The following CC2D2A variants were observed in gnomAD, a reference collection of about 807,000 sequenced individuals.
CC2D2A encodes coiled-coil and C2 domain-containing protein 2A.
CC2D2A carries 155 observed loss-of-function variants against 212.9 expected under a neutral mutation model. That is an observed-to-expected ratio of 0.73 (90% CI 0.64 to 0.83). The LOEUF is 0.83. Among genes scored for constraint, CC2D2A ranks in the 40% least tolerant of loss-of-function variants. CC2D2A has a pLI of 0.00. For synonymous variants in CC2D2A, 667 were observed against 686.5 expected (o/e 0.97, Z 0.44); for missense variants, 1,856 against 1,956.2 (o/e 0.95, Z 0.97).
chr4:15,525,240 G>A (rs895360932), intron 11 of CC2D2A, among the ~76,000 whole-genome samples: 11 of 152,130 alleles, frequency 7.2e-5, no homozygotes, highest in Non-Finnish European at 1.0e-4. Flanking sequence ...ACCAAGAAGC[G>A]TACAAGATGG....
rs576450603 is a variant in CC2D2A, at chr4:15,515,531, AAAG to A, written c.881-333_881-331del. Among the ~76,000 whole-genome samples the A allele has an allele frequency of 4.7e-3, 711 of 152,340 alleles. 9 individuals carry two copies. The highest frequency in any genetic ancestry group is 0.016 in the African/African-American group (676 of 41,578). ...TCTTTTGTACAGGAGGAGAGAGTTC[AAAG>A]AAGTGCCTGGCCCTAATTCACCCAG... On this transcript the variant is annotated intron_variant, in intron 9 of 36. Transcript: ENST00000424120.
chr4:15,515,894 A>T lies in CC2D2A; in HGVS notation c.907A>T (p.Asn303Tyr), dbSNP rs1716839646. 6.4e-7 allele frequency: 1 copy of T among 1,552,782 alleles called. No homozygotes were observed. Among genetic ancestry groups the T allele is most frequent in the African/African-American group, 1.4e-5 (1 of 73,090 alleles). ...TVPTYKKLPENVQPRFLEDEG... is the reference protein window; with the variant it reads ...TVPTYKKLPEYVQPRFLEDEG... ...CCCTACATATAAAAAGCTTCCTGAG[A>T]ATGTACAGCCCAGGTTCCTGGAAGA... The change falls in exon 10 of 37, where the codon AAT (asparagine) becomes TAT (tyrosine). Residue 303 changes from asparagine to tyrosine, a missense_variant. Physicochemically the swap from Asn to Tyr is moderately radical, Grantham distance 143. Transcript: ENST00000424120.
chr4:15,552,993 C>G (rs1376486042), intron 18 of CC2D2A, among the ~76,000 whole-genome samples, 165 bp from the exon 19 acceptor site: 1 of 152,228 alleles, frequency 6.6e-6, no homozygotes, highest in African/African-American at 2.4e-5. Flanking sequence ...CAGCTGTCAG[C>G]ATCATCACCT....
rs780764276 is a variant in CC2D2A at position 15,516,039 on chromosome 4, G to A, written c.1017+35G>A. 4.6e-6 allele frequency: 7 copies of A among 1,530,792 alleles called. No homozygotes were observed. The East Asian group carries it at 1.4e-4, about 31-fold the overall frequency. The allele number at this position is 1,530,792 out of a possible 1,614,324, so 94.8% of individuals were successfully genotyped here. On this transcript the variant is annotated intron_variant, in intron 10 of 36. Coordinates refer to ENST00000424120, the MANE Select transcript of CC2D2A (RefSeq NM_001378615.1). ...CACCCTCTGCTCTCAGGTGTAGCCT[G>A]GGCACACTAGACATAGCTTTTATTT...
intron 33 of CC2D2A, among the ~76,000 whole-genome samples, chr4:15,593,721 C>T (rs1291537254): frequency 6.6e-6 from 1 of 152,160 alleles, no homozygotes; most frequent in East Asian, 1.9e-4. Flanking sequence ...AAACCAAATC[C>T]TACTGGTTCC....
At chr4:15,533,817 T>G (rs1333107421) in intron 14 of CC2D2A, among the ~76,000 whole-genome samples, 1 of 152,240 alleles carries the variant, frequency 6.6e-6, no homozygotes, top group African/African-American at 2.4e-5. Context: ...TTGAGTTTAT[T>G]CCATTTTCAA....
At chr4:15,492,212 T>C (rs1453935590) in intron 4 of CC2D2A, among the ~76,000 whole-genome samples, 1 of 152,190 alleles carries the variant, frequency 6.6e-6, no homozygotes, top group Non-Finnish European at 1.5e-5. Flanking sequence ...TGTCTTTCTG[T>C]CTGCCCACAT....
At chr4:15,580,196 G>C in intron 30 of CC2D2A, 25 bp downstream of exon 30, 1 of 1,562,448 alleles carries the variant, frequency 6.4e-7, no homozygotes, top group Non-Finnish European at 8.8e-7. Flanking sequence ...GTCAATAAGT[G>C]CTGTGCTAAA....
chr4:15,559,346 G>A (rs1719450635), intron 22 of CC2D2A, 89 bp downstream of exon 22: 1 of 799,692 alleles, frequency 1.3e-6, no homozygotes, highest in Non-Finnish European at 2.0e-6. Flanking sequence ...AAATATCTAT[G>A]TGAGCTTATG....
intron 14 of CC2D2A, among the ~76,000 whole-genome samples, chr4:15,535,606 A>T (rs918857334): frequency 1.3e-5 from 2 of 152,054 alleles, no homozygotes; most frequent in African/African-American, 4.8e-5. Context: ...TATATCAGAG[A>T]TGGAACATAA....
intron 4 of CC2D2A, chr4:15,492,915 T>A: frequency 1.8e-6 from 1 of 547,196 alleles, no homozygotes; most frequent in South Asian, 1.5e-5. Context: ...TAGCCCAGAA[T>A]GCCCTTGAGG....
intron 5 of CC2D2A, 86 bp downstream of exon 5, chr4:15,502,603 C>A: frequency 8.2e-7 from 1 of 1,223,320 alleles, no homozygotes; most frequent in Non-Finnish European, 1.2e-6. Context: ...CTCCAAACTG[C>A]ATGGATTTGA....
chr4:15,482,650 A>G (rs1469414421), intron 4 of CC2D2A, among the ~76,000 whole-genome samples: 2 of 152,194 alleles, frequency 1.3e-5, no homozygotes, highest in Non-Finnish European at 2.9e-5. Flanking sequence ...CTCTAAATGC[A>G]GTCAGATTGG....
At position 15,589,685 on chromosome 4, in the gene CC2D2A, T is replaced by C. The variant is rs764971650; in HGVS notation, c.4314+6T>C. ...GTTTAATAGGTCCTGACAATGTAAG[T>C]ATTAACATTTCTTCTTAAATATGGT... On this transcript the variant is annotated splice_donor_region_variant and intron_variant, in intron 33 of 36. Transcript: ENST00000424120. The C allele has an allele frequency of 7.4e-6, 11 of 1,480,108 alleles. No individual in the cohort carries two copies. The African/African-American group carries it at 1.5e-4, about 21-fold the overall frequency. The allele number at this position is 1,480,108 out of a possible 1,614,324, so 91.7% of individuals were successfully genotyped here.
In CC2D2A at chr4:15,540,867, G is replaced by C. The variant is rs753964289; in HGVS notation, c.2034G>C (p.Lys678Asn). Residue 678 changes from lysine (K) to asparagine (N), a missense_variant, in exon 17 of 37, where the codon AAG (lysine) becomes AAC (asparagine). Physicochemically the swap from Lys to Asn is moderately conservative, Grantham distance 94 (BLOSUM62 0). This residue lies in a region of CC2D2A where 1,512 missense variants were observed against 1,579.3 expected (regional missense o/e 0.96). Transcript: ENST00000424120. The stretch of plus-strand genomic sequence containing the variant: ...AGGTCTCGAGAAGGGAGGATGTAAA[G>C]AAGCGCTCAGTGTACTTAAAAGTGC... ...RAEVSRREDV[K>N]KRSVYLKVLF... The C allele has an allele frequency of 3.1e-6, 5 of 1,600,580 alleles. No individual in the cohort carries two copies.
chr4:15,584,552 A>C (rs1290412138), intron 30 of CC2D2A, among the ~76,000 whole-genome samples: 2 of 152,238 alleles, frequency 1.3e-5, no homozygotes, highest in Non-Finnish European at 2.9e-5. Flanking sequence ...AAACTATTAA[A>C]AGACAATACA....
chr4:15,527,758 C>A, intron 12 of CC2D2A, 102 bp downstream of exon 12: 1 of 826,576 alleles, frequency 1.2e-6, no homozygotes, highest in Non-Finnish European at 1.9e-6. Context: ...GCCCCTCTTT[C>A]ACATGTTTCC....
chr4:15,575,516 A>G (rs1044659538), intron 29 of CC2D2A, among the ~76,000 whole-genome samples: 10 of 152,204 alleles, frequency 6.6e-5, no homozygotes, highest in African/African-American at 2.4e-4. Flanking sequence ...TGCACAGATT[A>G]TTGTGCTTAC....
At chr4:15,580,672 C>T (rs1294987023) in intron 30 of CC2D2A, among the ~76,000 whole-genome samples, 1 of 149,896 alleles carries the variant, frequency 6.7e-6, no homozygotes, top group African/African-American at 2.5e-5. Flanking sequence ...CTAAAGGTAC[C>T]AGGGATGACA....
Sources: gnomAD v4.1 joint callset for allele counts (sites outside exome capture counted in the v4.1 genomes callset) on GRCh38, gnomAD v4.1.1 for gene constraint, gnomAD v4.1.1 regional missense constraint, MANE v1.5 for transcripts, NCBI Gene and HGNC (gene_info 2026-07-23, HGNC 2026-07-21) for gene names.